Variants in LDB2 observed in about 807,000 individuals in gnomAD.
The protein encoded by LDB2 is LIM domain-binding protein 2.
Under a neutral mutation model 44.3 loss-of-function variants are expected in LDB2, and 12 were observed. That is an observed-to-expected ratio of 0.27 (90% CI 0.17 to 0.44). The LOEUF (loss-of-function observed/expected upper bound fraction) is 0.44. Ranked by LOEUF, LDB2 falls within the 20% of genes least tolerant of loss-of-function variation. The pLI, the probability that LDB2 is intolerant of heterozygous loss-of-function variation, is 1.00. For synonymous variants in LDB2, 164 were observed against 174.8 expected (o/e 0.94, Z 0.49); for missense variants, 344 against 473.5 (o/e 0.73, Z 2.54).
At chr4:16,872,026 T>C (rs1716823792) in intron 1 of LDB2, among the ~76,000 whole-genome samples, 2 of 152,216 alleles carry the variant, frequency 1.3e-5, no homozygotes, top group East Asian at 1.9e-4. Context: ...TAATTGGCTA[T>C]ACAGAATTTA....
chr4:16,750,816 A>C (rs1161562685), intron 2 of LDB2: 1 of 152,230 alleles, frequency 6.6e-6, no homozygotes, highest in African/African-American at 2.4e-5. Flanking sequence ...AACTTCAAAA[A>C]GATAATAAGT....
chr4:16,531,186 G>T (rs1044726676), intron 5 of LDB2, among the ~76,000 whole-genome samples: 1 of 152,122 alleles, frequency 6.6e-6, no homozygotes, highest in Non-Finnish European at 1.5e-5. Context: ...TTCCCACTAC[G>T]CTCTACTATT....
chr4:16,798,923 T>C (rs1777242218), intron 1 of LDB2, among the ~76,000 whole-genome samples: 1 of 152,176 alleles, frequency 6.6e-6, no homozygotes, highest in Admixed American at 6.5e-5. Flanking sequence ...CGATCTTGGC[T>C]CACTGCAAAC....
chr4:16,695,357 C>G (rs989672766), intron 2 of LDB2, among the ~76,000 whole-genome samples: 1 of 151,748 alleles, frequency 6.6e-6, no homozygotes, highest in African/African-American at 2.4e-5. Context: ...ATGGTGAAAC[C>G]CTGTCTCTAC....
intron 1 of LDB2, among the ~76,000 whole-genome samples, chr4:16,836,922 A>G (rs1373210509): frequency 1.3e-5 from 2 of 152,198 alleles, no homozygotes; most frequent in Non-Finnish European, 2.9e-5. Context: ...AATCTCTAGA[A>G]TTTAATTCTG....
chr4:16,748,717 A>G (rs1437830191), intron 2 of LDB2, among the ~76,000 whole-genome samples: 1 of 152,222 alleles, frequency 6.6e-6, no homozygotes, highest in Non-Finnish European at 1.5e-5. Flanking sequence ...AGCCATTATT[A>G]TCTAAAAGAA....
In LDB2 at chr4:16,858,828, C is replaced by T. The variant is rs530192046; in HGVS notation, c.132+39526G>A. Reference sequence around the variant, plus strand: ...TTGAACTATACAAACTGCGTCAATACACAATTCTTTCCGTATCGTTGCCCA... The same window carrying T: ...TTGAACTATACAAACTGCGTCAATATACAATTCTTTCCGTATCGTTGCCCA... On this transcript the variant is annotated intron_variant, in intron 1 of 7. Transcript: ENST00000304523. Among the ~76,000 whole-genome samples, 5 of 152,304 alleles carry T rather than the reference C, an allele frequency of 3.3e-5. No homozygotes were observed. In the South Asian group the frequency reaches 8.3e-4, roughly 25 times the overall value.
rs185024661 is a variant in LDB2, at chr4:16,623,424, C to T, written c.236-27549G>A. ...GCCAGCCTGGCCAACATGGTGAAAC[C>T]CCATCTCTACTGAAAATACAAAATT... On this transcript the variant is annotated intron_variant, in intron 2 of 7. Coordinates refer to ENST00000304523, the MANE Select transcript of LDB2 (RefSeq NM_001290.5). Among the ~76,000 whole-genome samples, 1,056 of 152,152 alleles carry T rather than the reference C, an allele frequency of 6.9e-3. 10 individuals are homozygous for T. The highest frequency in any genetic ancestry group is 0.011 in the Non-Finnish European group (761 of 68,002).
intron 2 of LDB2, among the ~76,000 whole-genome samples, chr4:16,634,328 G>T: frequency 6.9e-6 from 1 of 144,180 alleles, no homozygotes; most frequent in Non-Finnish European, 1.5e-5. Context: ...TATCATCAGA[G>T]TGAACAGGCA....
intron 5 of LDB2, chr4:16,581,549 T>A: frequency 2.4e-6 from 1 of 411,570 alleles, no homozygotes; most frequent in African/African-American, 2.2e-5. Flanking sequence ...TGAAACTTCC[T>A]AGAGCTCCCC....
intron 5 of LDB2, among the ~76,000 whole-genome samples, chr4:16,562,847 A>C (rs1445412653): frequency 6.6e-6 from 1 of 152,268 alleles, no homozygotes; most frequent in East Asian, 1.9e-4. Context: ...CTGGATTAAG[A>C]AAATGTGGCA....
chr4:16,664,003 G>A (rs975997988), intron 2 of LDB2, among the ~76,000 whole-genome samples: 1 of 151,176 alleles, frequency 6.6e-6, no homozygotes, highest in Admixed American at 6.6e-5. Context: ...AGGGTGGAGG[G>A]GCAAAGCAAT....
At position 16,542,131 on chromosome 4, in the gene LDB2, A is replaced by C. The variant is rs1205249475; in HGVS notation, c.616-30027T>G. ...GGGGGGGCGCGAGCAGGAGGGCATA[A>C]GAAGGTCAGTACCCTAGAAGGCAGC... On this transcript the variant is annotated intron_variant, in intron 5 of 7. Coordinates refer to ENST00000304523, the MANE Select transcript of LDB2 (RefSeq NM_001290.5). Among the ~76,000 whole-genome samples the C allele has an allele frequency of 3.3e-5, 5 of 149,272 alleles. No individual in the cohort carries two copies. In the East Asian group the frequency reaches 9.8e-4, roughly 29 times the overall value.
chr4:16,827,873 G>A (rs890243239), intron 1 of LDB2, among the ~76,000 whole-genome samples: 3 of 152,144 alleles, frequency 2.0e-5, no homozygotes, highest in East Asian at 3.9e-4. Flanking sequence ...CAGACCTCCC[G>A]ACCCTTTCAG....
At chr4:16,617,153 A>G (rs1169227777) in intron 2 of LDB2, among the ~76,000 whole-genome samples, 6 of 152,168 alleles carry the variant, frequency 3.9e-5, no homozygotes. Flanking sequence ...AACTCCTGTC[A>G]AAACATAACA....
chr4:16,620,121 C>T (rs1728471838), intron 2 of LDB2, among the ~76,000 whole-genome samples: 1 of 152,114 alleles, frequency 6.6e-6, no homozygotes, highest in Admixed American at 6.6e-5. Context: ...TCCAAAAGTT[C>T]CATGAAGGAA....
chr4:16,587,970 G>A (rs975871199), intron 4 of LDB2, among the ~76,000 whole-genome samples: 1 of 152,086 alleles, frequency 6.6e-6, no homozygotes, highest in Non-Finnish European at 1.5e-5. Context: ...ATTGTTCAGG[G>A]TCTTTAAAAT....
chr4:16,728,833 CAG>C (rs1760107383), intron 2 of LDB2, among the ~76,000 whole-genome samples: 1 of 150,730 alleles, frequency 6.6e-6, no homozygotes. Context: ...GGCTAAATAA[CAG>C]ACAGTAATAA....
At chr4:16,636,912 T>G (rs1733755862) in intron 2 of LDB2, among the ~76,000 whole-genome samples, 1 of 152,218 alleles carries the variant, frequency 6.6e-6, no homozygotes, top group Non-Finnish European at 1.5e-5. Context: ...AGAAGCACTA[T>G]CTGTGTTGTA....
Sources: allele counts gnomAD v4.1 joint callset (sites outside exome capture counted in the v4.1 genomes callset), GRCh38; gene constraint gnomAD v4.1.1; transcripts MANE v1.5; gene names NCBI Gene and HGNC (gene_info 2026-07-23, HGNC 2026-07-21).